MARCHF1: variants seen among roughly 807,000 people sequenced by gnomAD.
MARCHF1 encodes the protein membrane associated ring-CH-type finger 1.
MARCHF1 carries 40 observed loss-of-function variants against 54.2 expected under a neutral mutation model. The observed-to-expected ratio is 0.74, with a 90% CI of 0.57 to 0.96. The LOEUF (loss-of-function observed/expected upper bound fraction) is 0.96, where lower values mean the gene tolerates loss of function less well. Ranked by LOEUF, MARCHF1 falls within the 40% of genes least tolerant of loss-of-function variation. The pLI is 0.00. For synonymous variants in MARCHF1, 236 were observed against 236.3 expected, an observed-to-expected ratio of 1.00 and a Z score of 0.01; for missense variants, 586 against 656.5, an observed-to-expected ratio of 0.89 and a Z score of 1.17.
Position 163,701,919 on chromosome 4 carries a change from G to A in MARCHF1, c.112-1056C>T, listed in dbSNP as rs547572508. On this transcript the variant is annotated intron_variant, in intron 4 of 9. Coordinates refer to ENST00000514618, the MANE Select transcript of MARCHF1 (RefSeq NM_001394959.1). ...ATGCATCTTGACATAGGTCATTTTT[G>A]AGAACTAAGTTGTTATAACAACCCG... Among the ~76,000 whole-genome samples the A allele has an allele frequency of 3.3e-5, 5 of 152,036 alleles. No individual in the cohort carries two copies. The South Asian group carries it at 1.0e-3, about 32-fold the overall frequency.
In MARCHF1 at chr4:163,529,103, A is replaced by ATTTTTTT. The variant is rs3839198; in HGVS notation, c.1340-64_1340-58dup. ...CAAGTTGTCCTCAGTGGATTTGGTC[A>ATTTTTTT]TTTTTTTTTTCTATGACCCTTCAAA... On this transcript the variant is annotated intron_variant, in intron 9 of 9. Coordinates refer to ENST00000514618, the MANE Select transcript of MARCHF1 (RefSeq NM_001394959.1). 9.2e-4 allele frequency: 1,127 copies of ATTTTTTT among 1,219,038 alleles called. 1 individual carries two copies. Among genetic ancestry groups the ATTTTTTT allele is most frequent in the South Asian group, 1.2e-3 (78 of 62,434 alleles). The allele number at this position is 1,219,038 out of a possible 1,614,324, so 75.5% of individuals were successfully genotyped here.
intron 4 of MARCHF1, among the ~76,000 whole-genome samples, chr4:163,843,003 A>G (rs1255888553): frequency 6.6e-6 from 1 of 151,984 alleles, no homozygotes; most frequent in African/African-American, 2.4e-5. Context: ...TTTTCAACCT[A>G]TGTCCCCCTG....
chr4:164,069,727 A>C (rs1754821350), intron 2 of MARCHF1, among the ~76,000 whole-genome samples: 1 of 152,204 alleles, frequency 6.6e-6, no homozygotes, highest in South Asian at 2.1e-4. Flanking sequence ...AGTCAGTGAG[A>C]CCAAGAACCC....
At chr4:163,956,980 C>A (rs1277002878) in intron 3 of MARCHF1, among the ~76,000 whole-genome samples, 1 of 151,988 alleles carries the variant, frequency 6.6e-6, no homozygotes, top group African/African-American at 2.4e-5. Context: ...TTAGAATCTT[C>A]AGAAAATGAT....
At chr4:163,926,782 AC>A (rs967110590) in intron 3 of MARCHF1, among the ~76,000 whole-genome samples, 3 of 151,670 alleles carry the variant, frequency 2.0e-5, no homozygotes, top group Non-Finnish European at 4.4e-5. Context: ...GGAATGGATT[AC>A]TATTTCTAAT....
chr4:163,747,155 C>T (rs1385909647), intron 4 of MARCHF1, among the ~76,000 whole-genome samples: 1 of 152,276 alleles, frequency 6.6e-6, no homozygotes, highest in South Asian at 2.1e-4. Context: ...GTCCTTTCAC[C>T]GTACTACAAA....
intron 1 of MARCHF1, among the ~76,000 whole-genome samples, chr4:164,351,337 A>G (rs2110884956): frequency 6.6e-6 from 1 of 151,320 alleles, no homozygotes; most frequent in South Asian, 2.1e-4. Flanking sequence ...AGACAGCAGT[A>G]ACCTCTGCAG....
At chr4:164,050,363 T>C (rs1466072209) in intron 2 of MARCHF1, among the ~76,000 whole-genome samples, 4 of 149,600 alleles carry the variant, frequency 2.7e-5, no homozygotes, top group African/African-American at 9.8e-5. Context: ...TAACGGCATT[T>C]CCATTTCTTC....
At chr4:164,105,953 A>C (rs1463668939) in intron 2 of MARCHF1, among the ~76,000 whole-genome samples, 1 of 147,466 alleles carries the variant, frequency 6.8e-6, no homozygotes, top group South Asian at 2.1e-4. Flanking sequence ...AAAGTGGGCG[A>C]AGGACATGAA....
intron 1 of MARCHF1, among the ~76,000 whole-genome samples, chr4:164,127,761 A>G (rs1756216528): frequency 6.6e-6 from 1 of 152,224 alleles, no homozygotes; most frequent in South Asian, 2.1e-4. Flanking sequence ...AACAATAAAC[A>G]TAAAACAATA....
chr4:163,636,585 A>G (rs1340125973), intron 5 of MARCHF1, among the ~76,000 whole-genome samples: 17 of 151,122 alleles, frequency 1.1e-4, no homozygotes, highest in South Asian at 4.2e-4. Context: ...ACTGCTCAAG[A>G]AAATAAAAGA....
intron 1 of MARCHF1, among the ~76,000 whole-genome samples, chr4:164,211,539 G>C (rs1192134851): frequency 6.6e-6 from 1 of 151,922 alleles, no homozygotes; most frequent in Non-Finnish European, 1.5e-5. Context: ...AATAATCCTA[G>C]AAGTTCTTAT....
intron 4 of MARCHF1, among the ~76,000 whole-genome samples, chr4:163,736,942 T>G (rs1239444147): frequency 1.3e-5 from 2 of 152,030 alleles, no homozygotes; most frequent in Non-Finnish European, 2.9e-5. Flanking sequence ...GTGAAAAGCC[T>G]AATAAATTTA....
intron 1 of MARCHF1, among the ~76,000 whole-genome samples, chr4:164,171,339 A>C (rs1029585806): frequency 1.3e-5 from 2 of 152,162 alleles, no homozygotes; most frequent in African/African-American, 4.8e-5. Context: ...GTTAACTTGG[A>C]AAAATGACTA....
intron 3 of MARCHF1, among the ~76,000 whole-genome samples, chr4:163,925,083 TAACCACTGATA>T (rs1177203824): frequency 6.6e-6 from 1 of 151,890 alleles, no homozygotes; most frequent in African/African-American, 2.4e-5. Context: ...AGAAAAACTG[TAACCACTGATA>T]AACTTCTTAT....
rs753757991 is a variant in MARCHF1 at position 163,734,787 on chromosome 4, G to A, written c.112-33924C>T. 6.6e-5 allele frequency among the ~76,000 whole-genome samples: 10 copies of A among 152,252 alleles called. No individual in the cohort carries two copies. In the South Asian group the frequency reaches 1.4e-3, roughly 22 times the overall value. ...AATGATTTCACAGGCTTATACATATGTTAAAATGTATCGTATTATACACTT... is the reference window on the plus strand; with the variant it reads ...AATGATTTCACAGGCTTATACATATATTAAAATGTATCGTATTATACACTT... On this transcript the variant is annotated intron_variant, in intron 4 of 9. Transcript: ENST00000514618.
intron 1 of MARCHF1, among the ~76,000 whole-genome samples, chr4:164,272,974 TTATAAA>T (rs1234286574): frequency 6.6e-6 from 1 of 152,046 alleles, no homozygotes; most frequent in African/African-American, 2.4e-5. Context: ...ATGTTCTTAA[TTATAAA>T]TATATGTACA....
rs545031656 is a variant in MARCHF1, at chr4:163,699,971, T to G, written c.162+842A>C. Among the ~76,000 whole-genome samples the G allele has an allele frequency of 3.0e-4, 46 of 152,116 alleles. 1 individual carries two copies. The South Asian group carries it at 9.2e-3, about 30-fold the overall frequency. ...AGTCTAGGGAATATTTTGTTTTTTT[T>G]TTTTAATCCACTGACTCTACAACCT... On this transcript the variant is annotated intron_variant, in intron 5 of 9. Coordinates refer to ENST00000514618, the MANE Select transcript of MARCHF1 (RefSeq NM_001394959.1).
chr4:163,656,180 G>A (rs1211764429), intron 5 of MARCHF1, among the ~76,000 whole-genome samples: 1 of 144,618 alleles, frequency 6.9e-6, no homozygotes, highest in African/African-American at 2.6e-5. Context: ...AAGAAGAAAA[G>A]AAATTAAAAT....
Sources: allele counts gnomAD v4.1 joint callset (sites outside exome capture counted in the v4.1 genomes callset), GRCh38; gene constraint gnomAD v4.1.1; transcripts MANE v1.5; gene names NCBI Gene and HGNC (gene_info 2026-07-23, HGNC 2026-07-21).